IFNGR2: variants seen among roughly 807,000 people sequenced by gnomAD.
The protein encoded by IFNGR2 is interferon gamma receptor 2.
IFNGR2 carries 15 observed loss-of-function variants against 41.1 expected under a neutral mutation model. The observed-to-expected ratio is 0.37, with a 90% confidence interval of 0.24 to 0.56. IFNGR2 has a LOEUF of 0.56. IFNGR2 is among the 20% of genes least tolerant of loss of function. The pLI is 0.81. For synonymous variants in IFNGR2, 161 were observed against 171.6 expected, an observed-to-expected ratio of 0.94 and a Z score of 0.48; for missense variants, 362 against 415.7, an observed-to-expected ratio of 0.87 and a Z score of 1.12.
At chr21:33,416,835 A>G (rs2083757351) in intron 2 of IFNGR2, among the ~76,000 whole-genome samples, 1 of 151,590 alleles carries the variant, frequency 6.6e-6, no homozygotes, top group Non-Finnish European at 1.5e-5. Flanking sequence ...AAAAAAAAAA[A>G]AAGAATAGAA....
intron 6 of IFNGR2, 81 bp from the exon 7 acceptor site, chr21:33,436,747 T>A (rs1161098155): frequency 1.3e-5 from 15 of 1,136,734 alleles, no homozygotes; most frequent in East Asian, 1.3e-4. Flanking sequence ...AAAAATAAAA[T>A]AAAAACAAAA....
chr21:33,430,831 T>A (rs1260487097), intron 4 of IFNGR2, among the ~76,000 whole-genome samples: 1 of 152,360 alleles, frequency 6.6e-6, no homozygotes, highest in East Asian at 1.9e-4. Flanking sequence ...TTTAGCAGCC[T>A]TGTCTTCCCA....
In IFNGR2 at chr21:33,426,984, C is replaced by T; in HGVS notation, c.513C>T (p.Ala171=). Residue 171 remains alanine (A), a synonymous_variant, in exon 4 of 7, where the codon GCC becomes GCT. Coordinates refer to ENST00000290219, the MANE Select transcript of IFNGR2 (RefSeq NM_005534.4). ...SPFDIADTST[A]FFCYYVHYWE... ...TTGACATCGCTGATACCTCCACGGC[C>T]TTTTTTTGTTATTATGTCCATTACT... is the stretch of plus-strand genomic sequence containing the variant. 1.2e-6 allele frequency: 2 copies of T among 1,613,466 alleles called. No homozygotes were observed. The highest frequency in any genetic ancestry group is 1.7e-6 in the Non-Finnish European group (2 of 1,179,562).
chr21:33,403,421 G>A lies in IFNGR2; in HGVS notation c.-123G>A, dbSNP rs2123322160. The A allele has an allele frequency of 2.3e-6, 1 of 430,136 alleles. No individual in the cohort carries two copies. The highest frequency in any genetic ancestry group is 1.1e-4 in the East Asian group (1 of 9,162). 26.6% of individuals were successfully genotyped at this position (430,136 alleles called of 1,614,324 possible). A position where few individuals can be genotyped will look rare whatever the true frequency, so the allele number is the denominator to read the frequency against. On this transcript the variant is annotated 5_prime_UTR_variant, in exon 1 of 7. Transcript: ENST00000290219. ...CACCGGGACGCCCCGCTGCTGCTCGGGAAGAGGCGGGCCCTGCGCGCCCTG... is the reference window on the plus strand; with the variant it reads ...CACCGGGACGCCCCGCTGCTGCTCGAGAAGAGGCGGGCCCTGCGCGCCCTG...
rs775577939 is a variant in IFNGR2, at chr21:33,421,512, T to C, written c.239T>C (p.Met80Thr). 1.5e-5 allele frequency: 24 copies of C among 1,613,952 alleles called. No homozygotes were observed. In the Admixed American group the frequency reaches 1.5e-4, roughly 10 times the overall value. Residue 80 changes from methionine (M) to threonine (T), a missense_variant, in exon 3 of 7, where the codon ATG becomes ACG. By Grantham distance (81) the Met-to-Thr change is moderately conservative. Coordinates refer to ENST00000290219, the MANE Select transcript of IFNGR2 (RefSeq NM_005534.4). The stretch of plus-strand genomic sequence containing the variant: ...AGTAAATGGTTCACGGCCGACATCA[T>C]GTCCATAGGGGTGAATTGTACACAG... ...TDSKWFTADI[M>T]SIGVNCTQIT... is the part of the protein sequence containing the mutation.
chr21:33,414,448 A>G (rs563942278), intron 1 of IFNGR2, among the ~76,000 whole-genome samples: 34 of 152,382 alleles, frequency 2.2e-4, no homozygotes, highest in South Asian at 2.1e-3. Flanking sequence ...CGCGTGTCAC[A>G]TGATCACCAC....
At chr21:33,425,552 C>G (rs1388477932) in intron 3 of IFNGR2, among the ~76,000 whole-genome samples, 3 of 152,214 alleles carry the variant, frequency 2.0e-5, no homozygotes, top group African/African-American at 7.2e-5. Context: ...CTGCAACGCA[C>G]TTCTGCACAC....
At chr21:33,424,147 A>G (rs984999635) in intron 3 of IFNGR2, among the ~76,000 whole-genome samples, 9 of 152,174 alleles carry the variant, frequency 5.9e-5, no homozygotes, top group Admixed American at 4.6e-4. Context: ...CTAAAAATAC[A>G]AAAGTTAGCC....
chr21:33,419,057 A>C (rs2083772626), intron 2 of IFNGR2, among the ~76,000 whole-genome samples: 1 of 152,080 alleles, frequency 6.6e-6, no homozygotes, highest in South Asian at 2.1e-4. Flanking sequence ...GTTGTTCTAC[A>C]CTCTAAGAAT....
chr21:33,426,779 A>G, intron 3 of IFNGR2, 105 bp from the exon 4 acceptor site: 1 of 314,386 alleles, frequency 3.2e-6, no homozygotes, highest in Non-Finnish European at 5.5e-6. Flanking sequence ...TACACCCACT[A>G]TATATATATA....
At chr21:33,407,331 A>C (rs2083684228) in intron 1 of IFNGR2, among the ~76,000 whole-genome samples, 1 of 152,096 alleles carries the variant, frequency 6.6e-6, no homozygotes, top group Non-Finnish European at 1.5e-5. Flanking sequence ...TTGCATGTGA[A>C]TGTCCACTGG....
intron 4 of IFNGR2, among the ~76,000 whole-genome samples, chr21:33,429,408 G>T (rs551416530): frequency 1.2e-3 from 183 of 152,174 alleles, no homozygotes; most frequent in African/African-American, 4.3e-3. Flanking sequence ...CCACAATCTC[G>T]GCTCACGGGT....
At position 33,430,742 on chromosome 21, in the gene IFNGR2, C is replaced by A. The variant is rs1345165201; in HGVS notation, c.562-1435C>A. On this transcript the variant is annotated intron_variant, in intron 4 of 6. Transcript: ENST00000290219. ...TGCTGGAATTACAGGCATGAGCCAC[C>A]ATGCCTGGCCTATTTTTGTATTTTA... 2.0e-5 allele frequency among the ~76,000 whole-genome samples: 3 copies of A among 152,312 alleles called. No homozygotes were observed. The East Asian group carries it at 5.8e-4, about 29-fold the overall frequency.
In IFNGR2 at chr21:33,437,001, G is replaced by C. The variant is rs574166519; in HGVS notation, c.*39G>C. On this transcript the variant is annotated 3_prime_UTR_variant, in exon 7 of 7. Coordinates refer to ENST00000290219, the MANE Select transcript of IFNGR2 (RefSeq NM_005534.4). ...CCTAGCCCACTGGCTCCCTGGAAGA[G>C]ATCAAGCCATCGGAGCTGCTAGAGT... is the stretch of plus-strand genomic sequence containing the variant. 10 of 1,611,530 alleles carry C rather than the reference G, an allele frequency of 6.2e-6. No homozygotes were observed. The Admixed American group carries it at 1.5e-4, about 24-fold the overall frequency.
intron 4 of IFNGR2, 151 bp from the exon 5 acceptor site, chr21:33,432,026 T>C (rs927250939): frequency 4.3e-5 from 31 of 717,962 alleles, no homozygotes; most frequent in Non-Finnish European, 6.5e-5. Context: ...ACACATAAAA[T>C]GTGTCCACTG....
At chr21:33,414,842 C>A in intron 1 of IFNGR2, 46 bp from the exon 2 acceptor site, 2 of 1,568,148 alleles carry the variant, frequency 1.3e-6, no homozygotes, top group Non-Finnish European at 8.7e-7. Context: ...TTATTTCCCT[C>A]TCTCTCCTCC....
intron 6 of IFNGR2, 87 bp from the exon 7 acceptor site, chr21:33,436,741 A>G: frequency 9.1e-7 from 1 of 1,104,678 alleles, no homozygotes; most frequent in Non-Finnish European, 1.3e-6. Flanking sequence ...AAAAATAAAA[A>G]TAAAATAAAA....
At position 33,435,075 on chromosome 21, in the gene IFNGR2, C is replaced by T. The variant is rs540050387; in HGVS notation, c.880-1753C>T. Among the ~76,000 whole-genome samples the T allele has an allele frequency of 5.7e-4, 87 of 152,346 alleles. 1 individual carries two copies. Among genetic ancestry groups the T allele is most frequent in the African/African-American group, 2.0e-3 (82 of 41,574 alleles). ...TGTTCCTCTTTCAGTCAGTCAGCTA[C>T]AAGCTTATTGTCTTCCAGTATCTTT... On this transcript the variant is annotated intron_variant, in intron 6 of 6. Transcript: ENST00000290219.
intron 1 of IFNGR2, chr21:33,411,506 C>A (rs1430096937): frequency 1.3e-5 from 6 of 471,032 alleles, no homozygotes; most frequent in South Asian, 9.3e-5. Context: ...GATGTCCACG[C>A]CCTCATCCTC....
Sources: gnomAD v4.1 joint callset for allele counts (sites outside exome capture counted in the v4.1 genomes callset) on GRCh38, gnomAD v4.1.1 for gene constraint, MANE v1.5 for transcripts, NCBI Gene and HGNC (gene_info 2026-07-23, HGNC 2026-07-21) for gene names.